The following FOXA1 variants were observed in gnomAD, a reference collection of about 807,000 sequenced individuals.
The protein encoded by FOXA1 is forkhead box A1.
Under a neutral mutation model 29.2 loss-of-function variants are expected in FOXA1, and 9 were observed. The ratio of observed to expected loss-of-function variants is 0.31; its 90% CI spans 0.19 to 0.54. The LOEUF (loss-of-function observed/expected upper bound fraction) is 0.54, where lower values mean the gene tolerates loss of function less well. Ranked by LOEUF, FOXA1 falls within the 20% of genes least tolerant of loss-of-function variation. The probability of loss-of-function intolerance (pLI) is 0.95; values close to 1 mark genes in which losing one functional copy is unlikely to be tolerated. For synonymous variants in FOXA1, 340 were observed against 300.9 expected (o/e 1.13, Z -1.34); for missense variants, 644 against 681.2 (o/e 0.95, Z 0.61).
chr14:37,594,432 G>A (rs1047050788), intron 1 of FOXA1: 10 of 995,516 alleles, frequency 1.0e-5, no homozygotes, highest in African/African-American at 3.5e-5. Flanking sequence ...TTTAGAAATC[G>A]TTTCATTATT....
chr14:37,590,037 T>C lies in FOXA1; in HGVS notation c.*1328A>G, dbSNP rs963134024. 4.3e-6 allele frequency: 1 copy of C among 232,094 alleles called. No homozygotes were observed. The highest frequency in any genetic ancestry group is 2.2e-5 in the African/African-American group (1 of 45,304). The allele number at this position is 232,094 out of a possible 1,614,324, so 14.4% of individuals were successfully genotyped here. The stretch of plus-strand genomic sequence containing the variant: ...CCTTAACTGCAAATGATCAAGAACA[T>C]TTTCCACGGCTTAAAATCTGGTATT... On this transcript the variant is annotated 3_prime_UTR_variant, in exon 2 of 2. Coordinates refer to ENST00000250448, the MANE Select transcript of FOXA1 (RefSeq NM_004496.5).
chr14:37,591,842 G>C lies in FOXA1; in HGVS notation c.942C>G (p.His314Gln), dbSNP rs1277733414. Residue 314 changes from histidine to glutamine, a missense_variant, in exon 2 of 2, where the codon CAC becomes CAG. Transcript: ENST00000250448. Reference sequence around the variant, plus strand: ...CGCCCTCTAGCTGGCCGGTCTTCCCGTGCACACCCCGATGGAGGGGCGAGT... The same window carrying C: ...CGCCCTCTAGCTGGCCGGTCTTCCCCTGCACACCCCGATGGAGGGGCGAGT... The part of the protein sequence containing the change: ...SADSPLHRGV[H>Q]GKTGQLEGAP... 12 of 1,454,260 alleles carry C rather than the reference G, an allele frequency of 8.3e-6. No homozygotes were observed. Among genetic ancestry groups the C allele is most frequent in the Non-Finnish European group, 9.9e-6 (11 of 1,108,942 alleles). 90.1% of individuals were successfully genotyped at this position (1,454,260 alleles called of 1,614,324 possible).
chr14:37,591,553 G>C lies in FOXA1; in HGVS notation c.1231C>G (p.Gln411Glu). Residue 411 changes from glutamine (Q) to glutamate (E), a missense_variant, in exon 2 of 2, where the codon CAG becomes GAG. Transcript: ENST00000250448. Reference sequence around the variant, plus strand: ...GCCTTGAAGTCCAGCTTATGCTGCTGCTCCGAGGAGGACATGAGGTTGTTG... The same window carrying C: ...GCCTTGAAGTCCAGCTTATGCTGCTCCTCCGAGGAGGACATGAGGTTGTTG... ...SINNLMSSSEQQHKLDFKAYE... is the reference protein window; with the variant it reads ...SINNLMSSSEEQHKLDFKAYE... 1 of 1,614,238 alleles carries C rather than the reference G, an allele frequency of 6.2e-7. No homozygotes were observed. Among genetic ancestry groups the C allele is most frequent in the South Asian group, 1.1e-5 (1 of 91,090 alleles).
Position 37,591,875 on chromosome 14 carries a change from G to A in FOXA1, c.909C>T (p.Pro303=). 6.9e-7 allele frequency: 1 copy of A among 1,451,508 alleles called. No individual in the cohort carries two copies. Among genetic ancestry groups the A allele is most frequent in the Non-Finnish European group, 9.0e-7 (1 of 1,107,566 alleles). The allele number at this position is 1,451,508 out of a possible 1,614,324, so 89.9% of individuals were successfully genotyped here. A position where few individuals can be genotyped will look rare whatever the true frequency, so the allele number is the denominator to read the frequency against. ...CCCGATGGAGGGGCGAGTCGGCGCTGGGGTTAGAGGCGCCAGAGGGGTCCT... is the reference window on the plus strand; with the variant it reads ...CCCGATGGAGGGGCGAGTCGGCGCTAGGGTTAGAGGCGCCAGAGGGGTCCT... ...SRKDPSGASN[P]SADSPLHRGV... is the part of the protein sequence containing the mutation. Residue 303 remains proline (P), a synonymous_variant, in exon 2 of 2, where the codon CCC becomes CCT. Coordinates refer to ENST00000250448, the MANE Select transcript of FOXA1 (RefSeq NM_004496.5).
rs2139182545 is a variant in FOXA1, at chr14:37,592,201, C to T, written c.583G>A (p.Glu195Lys). ...AGGTCCATGATCCACTGGTAGATCT[C>T]GCTCAGCGTGAGCATCTTGCTGGGC... Reference protein sequence around the residue: ...QAPSKMLTLSEIYQWIMDLFP... With the variant: ...QAPSKMLTLSKIYQWIMDLFP... Residue 195 changes from glutamate (E) to lysine (K), a missense_variant, in exon 2 of 2, where the codon GAG becomes AAG. Coordinates refer to ENST00000250448, the MANE Select transcript of FOXA1 (RefSeq NM_004496.5). 6.2e-7 allele frequency: 1 copy of T among 1,613,804 alleles called. No individual in the cohort carries two copies. The highest frequency in any genetic ancestry group is 8.5e-7 in the Non-Finnish European group (1 of 1,179,854).
At chr14:37,592,792 A>T in intron 1 of FOXA1, 81 bp from the exon 2 acceptor site, 1 of 1,556,806 alleles carries the variant, frequency 6.4e-7, no homozygotes, top group South Asian at 1.1e-5. Flanking sequence ...CCGGGACCTA[A>T]CCCGGGGGCA....
intron 1 of FOXA1, among the ~76,000 whole-genome samples, chr14:37,593,689 G>T (rs1195179403): frequency 1.3e-5 from 2 of 152,134 alleles, no homozygotes; most frequent in Non-Finnish European, 2.9e-5. Flanking sequence ...GAATGGTGGG[G>T]TCGAGATGAC....
chr14:37,591,247 AGTT>A lies in FOXA1; in HGVS notation c.*115_*117del, dbSNP rs2095595129. ...TGTGCATGAAAAATGAAATAAAAAT[AGTT>A]GTTGGGATTTTATTATGCTGTTGAC... On this transcript the variant is annotated 3_prime_UTR_variant, in exon 2 of 2. Transcript: ENST00000250448. The A allele has an allele frequency of 1.1e-5, 13 of 1,193,176 alleles. No homozygotes were observed. Among genetic ancestry groups the A allele is most frequent in the East Asian group, 2.5e-5 (1 of 40,626 alleles). 73.9% of individuals were successfully genotyped at this position (1,193,176 alleles called of 1,614,324 possible). A position where few individuals can be genotyped will look rare whatever the true frequency, so the allele number is the denominator to read the frequency against.
chr14:37,595,055 G>T lies in FOXA1; in HGVS notation c.-83C>A. 1.5e-6 allele frequency: 2 copies of T among 1,292,668 alleles called. No homozygotes were observed. The highest frequency in any genetic ancestry group is 2.1e-5 in the Admixed American group (1 of 48,232). 80.1% of individuals were successfully genotyped at this position (1,292,668 alleles called of 1,614,324 possible). On this transcript the variant is annotated 5_prime_UTR_variant, in exon 1 of 2. Coordinates refer to ENST00000250448, the MANE Select transcript of FOXA1 (RefSeq NM_004496.5). ...GCGCGGCGCGGGGCGGGGGAGGGGA[G>T]CTGAGCAGCTGCAGTCACCCGAGCG...
Position 37,591,368 on chromosome 14 carries a change from G to A in FOXA1, c.1416C>T (p.Ser472=), listed in dbSNP as rs1361975527. 33 of 1,613,206 alleles carry A rather than the reference G, an allele frequency of 2.0e-5. No homozygotes were observed. The highest frequency in any genetic ancestry group is 2.8e-5 in the Non-Finnish European group (33 of 1,180,054). The part of the protein sequence containing the change: ...GVYSRPVLNT[S] ...ACAAACCCCCCAGTCCCGGGAGCTA[G>A]GAAGTGTTTAGGACGGGTCTGGAAT... Residue 472 remains serine, a synonymous_variant, in exon 2 of 2, where the codon TCC becomes TCT. Transcript: ENST00000250448.
At chr14:37,594,032 G>T in intron 1 of FOXA1, 3 of 1,171,942 alleles carry the variant, frequency 2.6e-6, no homozygotes, top group Non-Finnish European at 3.2e-6. Flanking sequence ...AAAATATTAC[G>T]TGATCCTATA....
At chr14:37,594,392 T>A (rs1262849598) in intron 1 of FOXA1, 1 of 1,029,456 alleles carries the variant, frequency 9.7e-7, no homozygotes, top group Non-Finnish European at 1.2e-6. Flanking sequence ...TCTCCCCAAA[T>A]AGGGCTTTTG....
In FOXA1 at chr14:37,594,177, C is replaced by T. The variant is rs926582013; in HGVS notation, c.72+724G>A. ...TAAACTTTTGGAGGGTAATCGCCAG[C>T]TGTTTCCAGAAAAATACTTTTAATA... On this transcript the variant is annotated intron_variant, in intron 1 of 1. Coordinates refer to ENST00000250448, the MANE Select transcript of FOXA1 (RefSeq NM_004496.5). 10 of 1,288,566 alleles carry T rather than the reference C, an allele frequency of 7.8e-6. No individual in the cohort carries two copies. The South Asian group carries it at 8.7e-5, about 11-fold the overall frequency. The allele number at this position is 1,288,566 out of a possible 1,614,324, so 79.8% of individuals were successfully genotyped here. A position where few individuals can be genotyped will look rare whatever the true frequency, so the allele number is the denominator to read the frequency against.
Position 37,594,998 on chromosome 14 carries a change from C to G in FOXA1, c.-26G>C, listed in dbSNP as rs747519449. ...CCTGGAGCCACCCTGCCCAATACAACCATCCAGCCCTGTGCGAAGCGACGG... is the reference window on the plus strand; with the variant it reads ...CCTGGAGCCACCCTGCCCAATACAAGCATCCAGCCCTGTGCGAAGCGACGG... On this transcript the variant is annotated 5_prime_UTR_variant, in exon 1 of 2. Transcript: ENST00000250448. The G allele has an allele frequency of 3.2e-6, 5 of 1,561,192 alleles. No homozygotes were observed. The African/African-American group carries it at 4.1e-5, about 13-fold the overall frequency.
intron 1 of FOXA1, among the ~76,000 whole-genome samples, chr14:37,593,466 T>G (rs2095598320): frequency 6.6e-6 from 1 of 152,204 alleles, no homozygotes; most frequent in Non-Finnish European, 1.5e-5. Context: ...TTGAAAAATT[T>G]GGTGACACAG....
chr14:37,592,651 T>C lies in FOXA1; in HGVS notation c.133A>G (p.Asn45Asp). ...ATGGTGTTCATGGTCATGTAGGTGT[T>C]CATGGAGTTCATGGAGCCCAGGCCT... is the stretch of plus-strand genomic sequence containing the variant. ...NSGLGSMNSM[N>D]TYMTMNTMTT... Residue 45 changes from asparagine (N) to aspartate (D), a missense_variant, in exon 2 of 2, where the codon AAC (asparagine) becomes GAC (aspartate). Asn to Asp is a conservative substitution (Grantham distance 23, BLOSUM62 1). Transcript: ENST00000250448. 1 of 1,614,160 alleles carries C rather than the reference T, an allele frequency of 6.2e-7. No individual in the cohort carries two copies. Among genetic ancestry groups the C allele is most frequent in the Non-Finnish European group, 8.5e-7 (1 of 1,180,028 alleles).
Position 37,592,179 on chromosome 14 carries a change from T to A in FOXA1, c.605A>T (p.Asp202Val), listed in dbSNP as rs772839489. The change falls in exon 2 of 2, where the codon GAC becomes GTC. Residue 202 changes from aspartate (D) to valine (V), a missense_variant. Asp to Val is a radical substitution (Grantham distance 152). Around this residue, in one of 5 missense-constraint regions of FOXA1, gnomAD observed 309 missense variants for 307.0 expected, o/e 1.01. Coordinates refer to ENST00000250448, the MANE Select transcript of FOXA1 (RefSeq NM_004496.5). Reference sequence around the variant, plus strand: ...GTTCTGCCGGTAATAGGGGAAGAGGTCCATGATCCACTGGTAGATCTCGCT... The same window carrying A: ...GTTCTGCCGGTAATAGGGGAAGAGGACCATGATCCACTGGTAGATCTCGCT... ...TLSEIYQWIM[D>V]LFPYYRQNQQ... 1 of 1,613,532 alleles carries A rather than the reference T, an allele frequency of 6.2e-7. No homozygotes were observed. The highest frequency in any genetic ancestry group is 8.5e-7 in the Non-Finnish European group (1 of 1,179,764).
At chr14:37,593,888 A>G in intron 1 of FOXA1, 1 of 281,556 alleles carries the variant, frequency 3.6e-6, no homozygotes, top group Non-Finnish European at 6.2e-6. Flanking sequence ...GTTTATTTTA[A>G]TCAGCAAGTA....
rs1463021248 is a variant in FOXA1, at chr14:37,592,338, C to G, written c.446G>C (p.Gly149Ala). ...SPMAYAPSNL[G>A]RSRAGGGGDA... The stretch of plus-strand genomic sequence containing the variant: ...GCCGCCGCCGCCCGCGCGGCTGCGG[C>G]CCAGGTTGGACGGCGCGTACGCCAT... Residue 149 changes from glycine (G) to alanine (A), a missense_variant, in exon 2 of 2, where the codon GGC (glycine) becomes GCC (alanine). Around this residue, in one of 5 missense-constraint regions of FOXA1, gnomAD observed 309 missense variants for 307.0 expected, o/e 1.01. Transcript: ENST00000250448. The G allele has an allele frequency of 3.8e-6, 6 of 1,599,722 alleles. No homozygotes were observed. The highest frequency in any genetic ancestry group is 2.2e-5 in the East Asian group (1 of 44,738).
Sources: gnomAD v4.1 joint callset for allele counts (sites outside exome capture counted in the v4.1 genomes callset) on GRCh38, gnomAD v4.1.1 for gene constraint, gnomAD v4.1.1 regional missense constraint, MANE v1.5 for transcripts, NCBI Gene and HGNC (gene_info 2026-07-23, HGNC 2026-07-21) for gene names.